TNFSF4: variants seen among roughly 807,000 people sequenced by gnomAD.
The protein encoded by TNFSF4 is tumor necrosis factor ligand superfamily member 4.
TNFSF4 carries 4 observed loss-of-function variants against 7.3 expected under a neutral mutation model. The ratio of observed to expected loss-of-function variants is 0.55; its 90% CI spans 0.27 to 1.25. TNFSF4 has a LOEUF of 1.25. TNFSF4 is among the 50% of genes most tolerant of loss of function. The probability of loss-of-function intolerance (pLI) is 0.12; values close to 1 mark genes in which losing one functional copy is unlikely to be tolerated. For missense variants in TNFSF4, 181 were observed against 208.8 expected, an observed-to-expected ratio of 0.87 and a Z score of 0.82; for synonymous variants, 76 against 83.7, an observed-to-expected ratio of 0.91 and a Z score of 0.50.
the TNFSF4 span, among the ~76,000 whole-genome samples, chr1:173,408,934 T>C: frequency 2.0e-5 from 3 of 152,114 alleles, no homozygotes; most frequent in Non-Finnish European, 4.4e-5. Flanking sequence ...CCGTAAAATA[T>C]TTACAAATTT....
At chr1:173,406,503 C>T in the TNFSF4 span, among the ~76,000 whole-genome samples, 1 of 152,122 alleles carries the variant, frequency 6.6e-6, no homozygotes, top group African/African-American at 2.4e-5. Flanking sequence ...GTCCTAGGCA[C>T]TTTTGCCTTC....
chr1:173,441,707 CAG>C, the TNFSF4 span, among the ~76,000 whole-genome samples: 1 of 152,200 alleles, frequency 6.6e-6, no homozygotes, highest in Non-Finnish European at 1.5e-5. Flanking sequence ...GCGCTTTAAA[CAG>C]TGTCTGGTTT....
the TNFSF4 span, among the ~76,000 whole-genome samples, chr1:173,284,151 A>G: frequency 6.6e-6 from 1 of 152,168 alleles, no homozygotes; most frequent in Non-Finnish European, 1.5e-5. Flanking sequence ...AGGAAGCTGC[A>G]GGAGAAAAGT....
chr1:173,245,804 C>T, the TNFSF4 span, among the ~76,000 whole-genome samples: 5 of 152,264 alleles, frequency 3.3e-5, no homozygotes, highest in South Asian at 1.0e-3. Flanking sequence ...ATGAGATCTA[C>T]TTTTTTAGAT....
the TNFSF4 span, among the ~76,000 whole-genome samples, chr1:173,438,491 T>A: frequency 9.9e-5 from 15 of 152,186 alleles, no homozygotes; most frequent in Non-Finnish European, 2.1e-4. Context: ...CAGCTGATTG[T>A]ATTTTTTTCT....
At chr1:173,188,960 A>C (rs1049097360) in intron 1 of TNFSF4, among the ~76,000 whole-genome samples, 4 of 152,058 alleles carry the variant, frequency 2.6e-5, no homozygotes, top group African/African-American at 7.2e-5. Flanking sequence ...TCTTGACCTC[A>C]AGCAATCCTC....
chr1:173,386,374 T>C, the TNFSF4 span, among the ~76,000 whole-genome samples: 1 of 152,156 alleles, frequency 6.6e-6, no homozygotes, highest in Non-Finnish European at 1.5e-5. Flanking sequence ...CACAGCTACC[T>C]CCACCTAGAT....
the TNFSF4 span, among the ~76,000 whole-genome samples, chr1:173,231,943 C>A: frequency 1.3e-5 from 2 of 151,976 alleles, no homozygotes; most frequent in Non-Finnish European, 2.9e-5. Context: ...ATTGACTGGG[C>A]GATGTGGGCT....
the TNFSF4 span, among the ~76,000 whole-genome samples, chr1:173,296,668 C>G: frequency 6.6e-6 from 1 of 152,046 alleles, no homozygotes; most frequent in Non-Finnish European, 1.5e-5. Context: ...CATAGATACA[C>G]TGCCAAGCAC....
At chr1:173,188,632 A>G (rs1212300753) in intron 1 of TNFSF4, 63 bp from the exon 2 acceptor site, 8 of 1,368,258 alleles carry the variant, frequency 5.8e-6, no homozygotes, top group Admixed American at 3.4e-5. Context: ...TTCGCAAGTC[A>G]TATTTAATGG....
chr1:173,175,781 T>C, the TNFSF4 span, among the ~76,000 whole-genome samples: 1 of 152,222 alleles, frequency 6.6e-6, no homozygotes, highest in African/African-American at 2.4e-5. Flanking sequence ...ACTGTCTACA[T>C]GTCTAGACTA....
chr1:173,243,938 T>C, the TNFSF4 span, among the ~76,000 whole-genome samples: 1 of 152,230 alleles, frequency 6.6e-6, no homozygotes. Context: ...GAAATGTGTA[T>C]CTTGATACAT....
At chr1:173,349,231 C>T in the TNFSF4 span, among the ~76,000 whole-genome samples, 15 of 151,972 alleles carry the variant, frequency 9.9e-5, no homozygotes, top group East Asian at 2.3e-3. Flanking sequence ...GGTTTCACCA[C>T]GTTAGCCAGG....
chr1:173,191,269 A>T (rs1410961630), intron 1 of TNFSF4, among the ~76,000 whole-genome samples: 1 of 152,142 alleles, frequency 6.6e-6, no homozygotes, highest in African/African-American at 2.4e-5. Flanking sequence ...CTTCCAGTAG[A>T]TCAACCTGGA....
the TNFSF4 span, among the ~76,000 whole-genome samples, chr1:173,304,376 G>A: frequency 6.6e-6 from 1 of 151,856 alleles, no homozygotes; most frequent in Non-Finnish European, 1.5e-5. Flanking sequence ...GGTTGGGCAT[G>A]GATGCACTTC....
chr1:173,292,616 CGTA>C, the TNFSF4 span, among the ~76,000 whole-genome samples: 1 of 150,648 alleles, frequency 6.6e-6, no homozygotes, highest in Non-Finnish European at 1.5e-5. Flanking sequence ...ATCTATTCAA[CGTA>C]GTACTGGAAG....
chr1:173,407,810 T>C, the TNFSF4 span, among the ~76,000 whole-genome samples: 1 of 152,070 alleles, frequency 6.6e-6, no homozygotes, highest in Admixed American at 6.6e-5. Context: ...TTTTGATTTC[T>C]GCTATGGTTT....
the TNFSF4 span, among the ~76,000 whole-genome samples, chr1:173,381,452 C>T: frequency 3.3e-5 from 5 of 152,198 alleles, no homozygotes; most frequent in Non-Finnish European, 7.3e-5. Flanking sequence ...TGACAGCCAT[C>T]TTGCTATTAC....
At chr1:173,198,857 T>C (rs374648844) in intron 1 of TNFSF4, among the ~76,000 whole-genome samples, 1 of 152,182 alleles carries the variant, frequency 6.6e-6, no homozygotes. Context: ...TGATACAAAC[T>C]GAGACTGGCG....
Sources: gnomAD v4.1 joint callset for allele counts (sites outside exome capture counted in the v4.1 genomes callset) on GRCh38, gnomAD v4.1.1 for gene constraint, MANE v1.5 for transcripts, NCBI Gene and HGNC (gene_info 2026-07-23, HGNC 2026-07-21) for gene names.